ZNF469: variants seen among roughly 807,000 people sequenced by gnomAD.
The protein encoded by ZNF469 is zinc finger protein 469.
Under a neutral mutation model 1.0 loss-of-function variants are expected in ZNF469, and 1 was observed. That is an observed-to-expected ratio of 1.00 (90% confidence interval 0.35 to 4.73). The LOEUF (loss-of-function observed/expected upper bound fraction) is 4.73. ZNF469 is among the 30% of genes most tolerant of loss of function. The probability of loss-of-function intolerance (pLI) is 0.16; values close to 1 mark genes in which losing one functional copy is unlikely to be tolerated. For synonymous variants in ZNF469, 2,703 were observed against 2,363.4 expected, an observed-to-expected ratio of 1.14 and a Z score of -4.17; for missense variants, 6,100 against 5,356.3, an observed-to-expected ratio of 1.14 and a Z score of -4.33.
chr16:88,116,833 G>T, the ZNF469 span, among the ~76,000 whole-genome samples: 312 of 152,272 alleles, frequency 2.0e-3, 1 homozygote, highest in African/African-American at 7.3e-3. Context: ...CGGGGGAGTA[G>T]GGGCCGCAGG....
At chr16:88,375,667 TG>T in the ZNF469 span, among the ~76,000 whole-genome samples, 1 of 152,230 alleles carries the variant, frequency 6.6e-6, no homozygotes, top group Non-Finnish European at 1.5e-5. Flanking sequence ...GGAGTGTTCC[TG>T]GGTGCCGGGC....
chr16:88,434,057 C>T lies in ZNF469; in HGVS notation c.6587C>T (p.Pro2196Leu), dbSNP rs1377516980. The change falls in exon 3 of 3, where the codon CCC becomes CTC. Residue 2196 changes from proline to leucine, a missense_variant. By Grantham distance (98) the Pro-to-Leu change is moderately conservative. Transcript: ENST00000565624. ...DTGAEDSPVA[P>L]PSLTTSPCDP... ...GGGGCTGAGGATTCCCCGGTGGCTC[C>T]CCCGTCTTTGACAACAAGCCCCTGC... The T allele has an allele frequency of 1.9e-6, 3 of 1,550,186 alleles. No individual in the cohort carries two copies. Among genetic ancestry groups the T allele is most frequent in the East Asian group, 4.9e-5 (2 of 40,922 alleles).
chr16:88,161,294 C>T, the ZNF469 span, among the ~76,000 whole-genome samples: 15 of 152,072 alleles, frequency 9.9e-5, no homozygotes, highest in East Asian at 1.9e-4. Context: ...TAAACGGTGA[C>T]GATCTGTGGG....
intron 1 of ZNF469, among the ~76,000 whole-genome samples, chr16:88,393,029 A>G (rs2142266072): frequency 6.6e-6 from 1 of 152,342 alleles, no homozygotes; most frequent in Admixed American, 6.5e-5. Context: ...ATGTGGGATA[A>G]ATCCAGGCGT....
intron 1 of ZNF469, among the ~76,000 whole-genome samples, chr16:88,401,931 G>GATGGATGC (rs1348398921): frequency 6.9e-4 from 37 of 53,522 alleles, no homozygotes; most frequent in Non-Finnish European, 8.2e-4. Flanking sequence ...TGGATGGATG[G>GATGGATGC]ATAGATACGT....
At chr16:88,131,889 C>T in the ZNF469 span, among the ~76,000 whole-genome samples, 2 of 151,994 alleles carry the variant, frequency 1.3e-5, no homozygotes, top group Non-Finnish European at 2.9e-5. Context: ...GGGGCGCCCA[C>T]CTGCCCGCGC....
At chr16:88,253,697 C>T in the ZNF469 span, among the ~76,000 whole-genome samples, 2 of 151,738 alleles carry the variant, frequency 1.3e-5, no homozygotes, top group Admixed American at 1.3e-4. Context: ...GCCACCATGC[C>T]TTGGCTAATT....
chr16:88,266,825 T>C, the ZNF469 span, among the ~76,000 whole-genome samples: 2 of 152,224 alleles, frequency 1.3e-5, no homozygotes. Context: ...AGTTCCATCC[T>C]TGGAGCAGTG....
chr16:88,166,025 G>C, the ZNF469 span, among the ~76,000 whole-genome samples: 1 of 152,200 alleles, frequency 6.6e-6, no homozygotes, highest in African/African-American at 2.4e-5. The surrounding 1 kb of genome is among the most constrained non-coding windows in gnomAD (Gnocchi z 4.5). Context: ...CTATTGTTAC[G>C]CACCCAGGGG....
At chr16:88,204,395 T>C in the ZNF469 span, among the ~76,000 whole-genome samples, 3 of 152,174 alleles carry the variant, frequency 2.0e-5, no homozygotes, top group Non-Finnish European at 2.9e-5. Flanking sequence ...CAGAGTGGGA[T>C]TGTGACACCC....
intron 1 of ZNF469, among the ~76,000 whole-genome samples, chr16:88,394,832 G>A (rs944929777): frequency 1.3e-5 from 2 of 152,204 alleles, no homozygotes; most frequent in African/African-American, 4.8e-5. Context: ...TGGCTTTCAT[G>A]TGGTCCTTCT....
intron 1 of ZNF469, among the ~76,000 whole-genome samples, chr16:88,396,736 G>A (rs1360228745): frequency 2.0e-5 from 3 of 149,254 alleles, no homozygotes; most frequent in African/African-American, 7.4e-5. Flanking sequence ...GCCGGGAGGA[G>A]ACCCTCATAA....
the ZNF469 span, among the ~76,000 whole-genome samples, chr16:88,374,860 G>A: frequency 2.6e-3 from 395 of 152,344 alleles, no homozygotes; most frequent in African/African-American, 9.0e-3. Flanking sequence ...CAGCTTGGGC[G>A]GTGATGCAGG....
the ZNF469 span, among the ~76,000 whole-genome samples, chr16:88,261,851 G>C: frequency 6.6e-6 from 1 of 152,150 alleles, no homozygotes; most frequent in Non-Finnish European, 1.5e-5. The surrounding 1 kb of genome is among the most constrained non-coding windows in gnomAD (Gnocchi z 6.0). Context: ...TTTGCTGGCT[G>C]TTCCCTGCTG....
chr16:88,137,996 G>A, the ZNF469 span, among the ~76,000 whole-genome samples: 1 of 152,130 alleles, frequency 6.6e-6, no homozygotes. Flanking sequence ...GAGAGTTGCT[G>A]GTGTGGCCTT....
rs548544358 is a variant in ZNF469, at chr16:88,437,173, G to A, written c.9703G>A (p.Ala3235Thr). The change falls in exon 3 of 3, where the codon GCG becomes ACG. Residue 3235 changes from alanine (A) to threonine (T), a missense_variant. Physicochemically the swap from Ala to Thr is moderately conservative, Grantham distance 58. Coordinates refer to ENST00000565624, the MANE Select transcript of ZNF469 (RefSeq NM_001367624.2). The stretch of plus-strand genomic sequence containing the variant: ...CCTTCTGAACAGCATCACGGAACCC[G>A]CGCCCAAACACCACAGGGGCAAGCG... The part of the protein sequence containing the change: ...AHLLNSITEP[A>T]PKHHRGKRSA... 2.3e-5 allele frequency: 35 copies of A among 1,549,474 alleles called. No homozygotes were observed. In the African/African-American group the frequency reaches 4.4e-4, roughly 19 times the overall value.
intron 1 of ZNF469, among the ~76,000 whole-genome samples, chr16:88,406,937 C>T (rs936682422): frequency 2.0e-5 from 3 of 152,204 alleles, no homozygotes; most frequent in Admixed American, 6.5e-5. Context: ...CGTGGGTCCC[C>T]CTCAGTGGAC....
chr16:88,411,205 C>T (rs1162042182), intron 1 of ZNF469, among the ~76,000 whole-genome samples: 1 of 152,226 alleles, frequency 6.6e-6, no homozygotes, highest in Non-Finnish European at 1.5e-5. Context: ...CCACCCTCCA[C>T]CCAACCTCAG....
At position 88,435,732 on chromosome 16, in the gene ZNF469, G is replaced by A; in HGVS notation, c.8262G>A (p.Gly2754=). Residue 2754 remains glycine (G), a synonymous_variant, in exon 3 of 3, where the codon GGG becomes GGA. Transcript: ENST00000565624. The part of the protein sequence containing the change: ...PTGQKGASAR[G]FWGPRETKAL... ...GGCAGAAGGGAGCCTCGGCAAGGGG[G>A]TTCTGGGGACCAAGAGAGACCAAGG... is the stretch of plus-strand genomic sequence containing the variant. 1 of 1,550,874 alleles carries A rather than the reference G, an allele frequency of 6.4e-7. No homozygotes were observed. Among genetic ancestry groups the A allele is most frequent in the Non-Finnish European group, 8.7e-7 (1 of 1,146,998 alleles).
Sources: allele counts gnomAD v4.1 joint callset (sites outside exome capture counted in the v4.1 genomes callset), GRCh38; gene constraint gnomAD v4.1.1; non-coding constraint Gnocchi (gnomAD v3.1); transcripts MANE v1.5; gene names NCBI Gene and HGNC (gene_info 2026-07-23, HGNC 2026-07-21).